Variants in KCNJ15 observed in about 807,000 individuals in gnomAD.
The protein encoded by KCNJ15 is ATP-sensitive inward rectifier potassium channel 15.
KCNJ15 carries 14 observed loss-of-function variants against 23.0 expected under a neutral mutation model. The ratio of observed to expected loss-of-function variants is 0.61; its 90% CI spans 0.40 to 0.95. The LOEUF (loss-of-function observed/expected upper bound fraction) is 0.95. KCNJ15 is among the 40% of genes least tolerant of loss of function. The pLI, the probability that KCNJ15 is intolerant of heterozygous loss-of-function variation, is 0.00. For synonymous variants in KCNJ15, 185 were observed against 183.2 expected, an observed-to-expected ratio of 1.01 and a Z score of -0.08; for missense variants, 388 against 461.8, an observed-to-expected ratio of 0.84 and a Z score of 1.46.
At chr21:38,288,027 T>TTTTTTTTC (rs1569010970) in intron 1 of KCNJ15, among the ~76,000 whole-genome samples, 2 of 70,302 alleles carry the variant, frequency 2.8e-5, no homozygotes, top group East Asian at 7.3e-4. Context: ...TGTTTTTTTC[T>TTTTTTTTC]TTGTTTTTTT....
chr21:38,230,836 TAA>T (rs1350381716), intron 1 of KCNJ15, among the ~76,000 whole-genome samples: 1 of 152,124 alleles, frequency 6.6e-6, no homozygotes, highest in Non-Finnish European at 1.5e-5. Flanking sequence ...AGCTTTGAAA[TAA>T]GTTTTGAAAT....
intron 1 of KCNJ15, among the ~76,000 whole-genome samples, chr21:38,287,478 T>A (rs1984037202): frequency 6.6e-6 from 1 of 152,216 alleles, no homozygotes; most frequent in East Asian, 1.9e-4. Context: ...ACTATGCAAA[T>A]CTATAGATAC....
chr21:38,244,032 C>T (rs1398505688), intron 1 of KCNJ15, among the ~76,000 whole-genome samples: 3 of 152,138 alleles, frequency 2.0e-5, no homozygotes, highest in Admixed American at 6.5e-5. Context: ...CTAAGTGACC[C>T]TCAAGCTTGG....
intron 1 of KCNJ15, among the ~76,000 whole-genome samples, chr21:38,251,622 G>A (rs1979841068): frequency 6.6e-6 from 1 of 152,172 alleles, no homozygotes; most frequent in African/African-American, 2.4e-5. Context: ...TAACAAATTA[G>A]GATATCAGGC....
intron 1 of KCNJ15, among the ~76,000 whole-genome samples, chr21:38,278,113 C>T (rs1982929725): frequency 6.6e-6 from 1 of 151,760 alleles, no homozygotes; most frequent in Admixed American, 6.6e-5. Context: ...ATCACCACAA[C>T]CAATGTGTAG....
At chr21:38,255,781 G>A (rs1980166386), upstream of KCNJ15, among the ~76,000 whole-genome samples, 1 of 152,196 alleles carries the variant, frequency 6.6e-6, no homozygotes, top group Admixed American at 6.5e-5. Flanking sequence ...TGCACTTGGG[G>A]TGAATTGCAG....
At chr21:38,251,094 G>A (rs1008904741) in intron 1 of KCNJ15, among the ~76,000 whole-genome samples, 21 of 152,148 alleles carry the variant, frequency 1.4e-4, no homozygotes, top group African/African-American at 5.1e-4. Flanking sequence ...TGAATGATCC[G>A]GCGAGGCTTT....
At chr21:38,257,460 G>C (rs1168993420) in intron 1 of KCNJ15, among the ~76,000 whole-genome samples, 3 of 152,158 alleles carry the variant, frequency 2.0e-5, no homozygotes, top group Non-Finnish European at 4.4e-5. Context: ...GGTGTACGGG[G>C]GTCTAGCTTG....
At chr21:38,288,905 A>G (rs537276039) in intron 1 of KCNJ15, among the ~76,000 whole-genome samples, 2 of 152,330 alleles carry the variant, frequency 1.3e-5, no homozygotes, top group South Asian at 4.1e-4. Flanking sequence ...GTTTCATTAA[A>G]TAAAACACAT....
chr21:38,267,292 A>G (rs1248781233), intron 1 of KCNJ15: 1 of 152,240 alleles, frequency 6.6e-6, no homozygotes, highest in Non-Finnish European at 1.5e-5. Context: ...GACTGCTCTC[A>G]TTCCAGGAGA....
chr21:38,280,038 A>G (rs1346453652), intron 1 of KCNJ15, among the ~76,000 whole-genome samples: 1 of 152,136 alleles, frequency 6.6e-6, no homozygotes, highest in Non-Finnish European at 1.5e-5. Flanking sequence ...TCAAGTGGCA[A>G]TTTTAAGGGT....
upstream of KCNJ15, among the ~76,000 whole-genome samples, chr21:38,253,990 T>C (rs1980019021): frequency 6.6e-6 from 1 of 152,232 alleles, no homozygotes; most frequent in Non-Finnish European, 1.5e-5. Flanking sequence ...AATGATTAGC[T>C]ATGTTATTTC....
chr21:38,277,151 G>T (rs566263819), intron 1 of KCNJ15, among the ~76,000 whole-genome samples: 3 of 151,998 alleles, frequency 2.0e-5, no homozygotes, highest in Non-Finnish European at 4.4e-5. Flanking sequence ...AGTTGACAAT[G>T]GTCTTTCCAA....
chr21:38,300,449 A>G lies in KCNJ15; in HGVS notation c.*60A>G. 1.4e-6 allele frequency: 2 copies of G among 1,453,644 alleles called. No individual in the cohort carries two copies. Among genetic ancestry groups the G allele is most frequent in the South Asian group, 1.4e-5 (1 of 73,468 alleles). The allele number at this position is 1,453,644 out of a possible 1,614,324, so 90.0% of individuals were successfully genotyped here. A position where few individuals can be genotyped will look rare whatever the true frequency, so the allele number is the denominator to read the frequency against. Reference sequence around the variant, plus strand: ...CTGTTTCCACATCAGAACTCCCTTCAAACACAAAGATTGCTGTGAAAACGA... The same window carrying G: ...CTGTTTCCACATCAGAACTCCCTTCGAACACAAAGATTGCTGTGAAAACGA... On this transcript the variant is annotated 3_prime_UTR_variant, in exon 3 of 3. Transcript: ENST00000398938.
At chr21:38,245,219 T>C (rs1979285597) in intron 1 of KCNJ15, among the ~76,000 whole-genome samples, 2 of 152,086 alleles carry the variant, frequency 1.3e-5, no homozygotes, top group African/African-American at 4.8e-5. Context: ...CCCAAAGTCC[T>C]CTCTGTGTGG....
intron 1 of KCNJ15, among the ~76,000 whole-genome samples, chr21:38,246,589 A>T (rs1195982283): frequency 6.6e-6 from 1 of 152,220 alleles, no homozygotes; most frequent in East Asian, 1.9e-4. Context: ...TAGTGTTAAA[A>T]ACACAGACAA....
rs939157680 is a variant in KCNJ15, at chr21:38,305,270, G to C, written c.*4881G>C. ...GCTGTTCATTCTATAAAGTCAAATA[G>C]ATTGGTGGGTTAAAAAATAATCAAT... On this transcript the variant is annotated 3_prime_UTR_variant, in exon 3 of 3. Coordinates refer to ENST00000398938, the MANE Select transcript of KCNJ15 (RefSeq NM_170736.3). 7 of 152,086 alleles carry C rather than the reference G, an allele frequency of 4.6e-5. No homozygotes were observed. The highest frequency in any genetic ancestry group is 1.7e-4 in the African/African-American group (7 of 41,412). The allele number at this position is 152,086 out of a possible 1,614,324, so 9.4% of individuals were successfully genotyped here.
chr21:38,276,817 T>C (rs1396440103), intron 1 of KCNJ15, among the ~76,000 whole-genome samples: 1 of 152,140 alleles, frequency 6.6e-6, no homozygotes, highest in African/African-American at 2.4e-5. Context: ...TTTTAAAACT[T>C]GAAGTTTGAT....
In KCNJ15 at chr21:38,300,155, A is replaced by C; in HGVS notation, c.894A>C (p.Thr298=). 6.2e-7 allele frequency: 1 copy of C among 1,614,200 alleles called. No individual in the cohort carries two copies. The highest frequency in any genetic ancestry group is 8.5e-7 in the Non-Finnish European group (1 of 1,180,048). Residue 298 remains threonine (T), a synonymous_variant, in exon 3 of 3, where the codon ACA becomes ACC. Transcript: ENST00000398938. ...ESTSAVCQSR[T]SYIPEEIYWG... ...CCAGCGCTGTCTGCCAGAGCCGAACATCTTATATCCCAGAGGAAATCTACT... is the reference window on the plus strand; with the variant it reads ...CCAGCGCTGTCTGCCAGAGCCGAACCTCTTATATCCCAGAGGAAATCTACT...
Sources: allele counts gnomAD v4.1 joint callset (sites outside exome capture counted in the v4.1 genomes callset), GRCh38; gene constraint gnomAD v4.1.1; transcripts MANE v1.5; gene names NCBI Gene and HGNC (gene_info 2026-07-23, HGNC 2026-07-21).